Variants in MAP3K2 observed in about 807,000 individuals in gnomAD.
MAP3K2 encodes mitogen-activated protein kinase kinase kinase 2, also known as MAP/ERK kinase kinase 2.
A neutral mutation model predicts 80.3 loss-of-function variants in MAP3K2; 24 were observed. The observed-to-expected ratio is 0.30, with a 90% CI of 0.22 to 0.42. MAP3K2 has a LOEUF of 0.42. Among genes scored for constraint, MAP3K2 ranks in the 10% least tolerant of loss-of-function variants. The probability of loss-of-function intolerance (pLI) is 1.00; values close to 1 mark genes in which losing one functional copy is unlikely to be tolerated. For synonymous variants in MAP3K2, 244 were observed against 253.7 expected, an observed-to-expected ratio of 0.96 and a Z score of 0.36; for missense variants, 608 against 750.1, an observed-to-expected ratio of 0.81 and a Z score of 2.21.
intron 1 of MAP3K2, among the ~76,000 whole-genome samples, chr2:127,380,092 T>C (rs1481921498): frequency 2.0e-5 from 3 of 152,166 alleles, no homozygotes; most frequent in South Asian, 2.1e-4. Context: ...AAATCATCAA[T>C]GATTTTGGGA....
rs34727603 is a variant in MAP3K2, at chr2:127,333,131, CA to C, written c.265-2627del. 9.5e-3 allele frequency among the ~76,000 whole-genome samples: 1,015 copies of C among 107,208 alleles called. 2 individuals carry two copies. Among genetic ancestry groups the C allele is most frequent in the Middle Eastern group, 0.018 (4 of 228 alleles). The allele number at this position is 107,208 out of a possible 152,430, so 70.3% of individuals were successfully genotyped here. A position where few individuals can be genotyped will look rare whatever the true frequency, so the allele number is the denominator to read the frequency against. The stretch of plus-strand genomic sequence containing the variant: ...TGGGTGACAGCGGGAGATGCTGTCT[CA>C]AAAAAAAAAAAAAAAAATTCCTGCT... On this transcript the variant is annotated intron_variant, in intron 5 of 16. Coordinates refer to ENST00000682094, the MANE Select transcript of MAP3K2 (RefSeq NM_001371910.2).
intron 1 of MAP3K2, among the ~76,000 whole-genome samples, chr2:127,365,707 T>G (rs1686961078): frequency 6.6e-6 from 1 of 152,106 alleles, no homozygotes; most frequent in South Asian, 2.1e-4. Context: ...GTGGTCCCAC[T>G]CCAGTAGCTG....
chr2:127,336,140 C>G (rs529672345), intron 4 of MAP3K2, among the ~76,000 whole-genome samples, 171 bp from the exon 5 acceptor site: 2 of 152,296 alleles, frequency 1.3e-5, no homozygotes, highest in Non-Finnish European at 2.9e-5. Context: ...ATTTTCAACA[C>G]AAAGTTCAAA....
At chr2:127,315,960 A>T (rs1445325221) in intron 14 of MAP3K2, among the ~76,000 whole-genome samples, 1 of 152,094 alleles carries the variant, frequency 6.6e-6, no homozygotes, top group Non-Finnish European at 1.5e-5. Context: ...CCTGTAACCT[A>T]GCTACTCAGG....
At chr2:127,370,161 T>C (rs946123377) in intron 1 of MAP3K2, among the ~76,000 whole-genome samples, 3 of 152,242 alleles carry the variant, frequency 2.0e-5, no homozygotes, top group African/African-American at 4.8e-5. Context: ...CACAAGTGTG[T>C]TGACTCAAGA....
chr2:127,353,417 G>A (rs527391546), intron 1 of MAP3K2, among the ~76,000 whole-genome samples: 22 of 150,998 alleles, frequency 1.5e-4, no homozygotes, highest in Non-Finnish European at 2.8e-4. Flanking sequence ...GAGACCCTCC[G>A]CCCGGCAGCC....
chr2:127,354,269 GAAA>G (rs537174159), intron 1 of MAP3K2, among the ~76,000 whole-genome samples: 5 of 104,712 alleles, frequency 4.8e-5, no homozygotes, highest in African/African-American at 1.8e-4. Flanking sequence ...AATATCATTT[GAAA>G]AAAAAAAAAA....
rs142626855 is a variant in MAP3K2 at position 127,359,655 on chromosome 2, T to A, written c.-65-16461A>T. Among the ~76,000 whole-genome samples, 266 of 152,320 alleles carry A rather than the reference T, an allele frequency of 1.7e-3. 1 individual carries two copies. The highest frequency in any genetic ancestry group is 0.01 in the Middle Eastern group (3 of 294). On this transcript the variant is annotated intron_variant, in intron 1 of 16. Transcript: ENST00000682094. The stretch of plus-strand genomic sequence containing the variant: ...ATGCTGCAGCCTGGTGGGAGGTGAC[T>A]GAATCATGAGGGTGGTTTCTAATGG...
Position 127,326,827 on chromosome 2 carries a change from G to A in MAP3K2, c.467-10C>T, listed in dbSNP as rs1359584967. 1.3e-6 allele frequency: 2 copies of A among 1,521,808 alleles called. No individual in the cohort carries two copies. The highest frequency in any genetic ancestry group is 1.8e-6 in the Non-Finnish European group (2 of 1,130,622). 94.3% of individuals were successfully genotyped at this position (1,521,808 alleles called of 1,614,324 possible). On this transcript the variant is annotated splice_polypyrimidine_tract_variant and intron_variant, in intron 7 of 16. Transcript: ENST00000682094. The stretch of plus-strand genomic sequence containing the variant: ...TCTCTACTAGTAGGACCTCAAGGAA[G>A]AAAAATAATGTAATTTATAATTATA...
At chr2:127,348,565 A>C (rs558001359) in intron 1 of MAP3K2, among the ~76,000 whole-genome samples, 2 of 152,290 alleles carry the variant, frequency 1.3e-5, no homozygotes, top group Admixed American at 1.3e-4. Context: ...AAAGTAGATT[A>C]GTGATTTCCT....
intron 15 of MAP3K2, among the ~76,000 whole-genome samples, chr2:127,309,030 G>A (rs898239398): frequency 5.9e-5 from 9 of 152,142 alleles, no homozygotes; most frequent in African/African-American, 2.2e-4. Flanking sequence ...CAGGTTGGAG[G>A]TGGGGGTGAA....
At chr2:127,379,101 C>A (rs987503573) in intron 1 of MAP3K2, among the ~76,000 whole-genome samples, 8 of 149,542 alleles carry the variant, frequency 5.3e-5, no homozygotes, top group African/African-American at 2.0e-4. Context: ...GGATTACAGG[C>A]ATGAGCCATG....
At chr2:127,351,087 C>T (rs1023367428) in intron 1 of MAP3K2, among the ~76,000 whole-genome samples, 19 of 152,100 alleles carry the variant, frequency 1.2e-4, no homozygotes, top group African/African-American at 2.4e-4. Flanking sequence ...GTCAAGGAAA[C>T]GTTATGGCTG....
intron 1 of MAP3K2, among the ~76,000 whole-genome samples, chr2:127,359,649 G>A (rs1439960205): frequency 2.0e-5 from 3 of 152,184 alleles, no homozygotes; most frequent in Admixed American, 2.0e-4. Context: ...CCTGGTGGGA[G>A]GTGACTGAAT....
At chr2:127,377,925 A>C (rs1687178014) in intron 1 of MAP3K2, among the ~76,000 whole-genome samples, 1 of 152,246 alleles carries the variant, frequency 6.6e-6, no homozygotes, top group African/African-American at 2.4e-5. Context: ...CAGAGGTTGC[A>C]GTGAGCTGAG....
intron 1 of MAP3K2, among the ~76,000 whole-genome samples, chr2:127,346,959 C>G (rs1301094865): frequency 6.6e-6 from 1 of 151,960 alleles, no homozygotes; most frequent in South Asian, 2.1e-4. Flanking sequence ...GCACTGTACT[C>G]TAGCCCGCGC....
At position 127,382,661 on chromosome 2, in the gene MAP3K2, T is replaced by C. The variant is rs1325232881; in HGVS notation, c.-66+4791A>G. Among the ~76,000 whole-genome samples the C allele has an allele frequency of 3.3e-5, 5 of 152,220 alleles. No individual in the cohort carries two copies. In the East Asian group the frequency reaches 9.6e-4, roughly 29 times the overall value. ...AGTTCTCCTGCCTCAGCCTCCCAAGTATCTGGGACTACTGGCACCTCGTCC... is the reference window on the plus strand; with the variant it reads ...AGTTCTCCTGCCTCAGCCTCCCAAGCATCTGGGACTACTGGCACCTCGTCC... On this transcript the variant is annotated intron_variant, in intron 1 of 16. Transcript: ENST00000682094.
chr2:127,357,286 T>C (rs1458933694), intron 1 of MAP3K2, among the ~76,000 whole-genome samples: 3 of 152,182 alleles, frequency 2.0e-5, no homozygotes, highest in Admixed American at 6.5e-5. Context: ...AAAATTTACA[T>C]TGACAGTCTG....
chr2:127,336,484 A>G (rs1225648243), intron 4 of MAP3K2, among the ~76,000 whole-genome samples: 6 of 152,164 alleles, frequency 3.9e-5, no homozygotes, highest in African/African-American at 1.4e-4. Flanking sequence ...TCTACTTCCC[A>G]AAGACTGGCC....
Sources: allele counts gnomAD v4.1 joint callset (sites outside exome capture counted in the v4.1 genomes callset), GRCh38; gene constraint gnomAD v4.1.1; transcripts MANE v1.5; gene names NCBI Gene and HGNC (gene_info 2026-07-23, HGNC 2026-07-21).